Variants in RALYL observed in about 807,000 individuals in gnomAD.
RALYL encodes the protein RNA-binding Raly-like protein.
A neutral mutation model predicts 35.1 loss-of-function variants in RALYL; 29 were observed. The ratio of observed to expected loss-of-function variants is 0.83; its 90% CI spans 0.61 to 1.13. RALYL has a LOEUF of 1.13. RALYL is among the 50% of genes most tolerant of loss of function. The pLI is 0.00. For missense variants in RALYL, 359 were observed against 360.4 expected (o/e 1.00, Z 0.03); for synonymous variants, 120 against 127.6 (o/e 0.94, Z 0.40).
intron 2 of RALYL, among the ~76,000 whole-genome samples, chr8:84,601,976 C>T (rs1287814055): frequency 2.0e-5 from 3 of 152,098 alleles, no homozygotes; most frequent in Non-Finnish European, 2.9e-5. Flanking sequence ...TCACTTCCTA[C>T]ATCTTAACGC....
chr8:84,888,052 C>T (rs922136370), intron 8 of RALYL, among the ~76,000 whole-genome samples: 1 of 152,222 alleles, frequency 6.6e-6, no homozygotes, highest in African/African-American at 2.4e-5. Context: ...CTCCAAAATG[C>T]TCCATTGCAA....
At chr8:84,898,984 A>T (rs921454981) in intron 8 of RALYL, among the ~76,000 whole-genome samples, 1 of 152,070 alleles carries the variant, frequency 6.6e-6, no homozygotes, top group African/African-American at 2.4e-5. Flanking sequence ...TTCTTTGTGG[A>T]TCCCTCACGC....
At chr8:84,483,305 A>C (rs1321852071) in intron 1 of RALYL, among the ~76,000 whole-genome samples, 2 of 152,112 alleles carry the variant, frequency 1.3e-5, no homozygotes, top group Non-Finnish European at 2.9e-5. Context: ...ATTAGATATA[A>C]ACTTTGAAAT....
At chr8:84,818,582 A>T in intron 4 of RALYL, among the ~76,000 whole-genome samples, 1 of 152,156 alleles carries the variant, frequency 6.6e-6, no homozygotes, top group Admixed American at 6.5e-5. Context: ...AAAAGATAAG[A>T]TTGGCAAATT....
intron 2 of RALYL, among the ~76,000 whole-genome samples, chr8:84,761,242 T>C (rs930632302): frequency 4.0e-5 from 6 of 151,844 alleles, no homozygotes; most frequent in African/African-American, 1.5e-4. Flanking sequence ...AATGAAAAAA[T>C]GCAACTTTAA....
upstream of RALYL, chr8:84,183,103 A>G: frequency 6.3e-6 from 1 of 158,130 alleles, no homozygotes; most frequent in South Asian, 1.7e-4. Flanking sequence ...CGGCGGCGGC[A>G]GCAACAGAGG....
At chr8:84,795,202 C>A (rs1307485977) in intron 3 of RALYL, among the ~76,000 whole-genome samples, 1 of 152,232 alleles carries the variant, frequency 6.6e-6, no homozygotes, top group Non-Finnish European at 1.5e-5. Context: ...AGGAGCCTGG[C>A]TGTCTCCTCA....
chr8:84,310,481 G>A (rs1430448003), intron 1 of RALYL, among the ~76,000 whole-genome samples: 2 of 151,716 alleles, frequency 1.3e-5, no homozygotes, highest in African/African-American at 2.4e-5. Flanking sequence ...AATGGAAAAC[G>A]GCAATAAATC....
At chr8:84,567,124 A>C (rs1409063028) in intron 2 of RALYL, among the ~76,000 whole-genome samples, 4 of 151,806 alleles carry the variant, frequency 2.6e-5, no homozygotes, top group Non-Finnish European at 5.9e-5. Flanking sequence ...GTTATCTATA[A>C]ATTCTGATCA....
chr8:84,834,613 G>T (rs767877150), intron 4 of RALYL, among the ~76,000 whole-genome samples: 3 of 152,142 alleles, frequency 2.0e-5, no homozygotes, highest in Non-Finnish European at 4.4e-5. Context: ...CTTTAACACT[G>T]TGTCAGCAGG....
chr8:84,616,784 G>T (rs577194426), intron 2 of RALYL, among the ~76,000 whole-genome samples: 4 of 151,724 alleles, frequency 2.6e-5, no homozygotes, highest in South Asian at 4.1e-4. Context: ...TGTAAGGAAG[G>T]GATCCAGTTT....
chr8:84,353,637 C>A (rs1159074968), intron 1 of RALYL, among the ~76,000 whole-genome samples: 1 of 150,064 alleles, frequency 6.7e-6, no homozygotes, highest in Non-Finnish European at 1.5e-5. Context: ...TTGTTCACAG[C>A]ACGTCAAGAT....
At chr8:84,484,799 G>A (rs776675070) in intron 1 of RALYL, among the ~76,000 whole-genome samples, 1 of 151,886 alleles carries the variant, frequency 6.6e-6, no homozygotes, top group African/African-American at 2.4e-5. Flanking sequence ...TTTATTTTGG[G>A]GCATGATGAG....
intron 1 of RALYL, among the ~76,000 whole-genome samples, chr8:84,268,172 G>A (rs1411026813): frequency 6.6e-6 from 1 of 152,168 alleles, no homozygotes; most frequent in South Asian, 2.1e-4. Flanking sequence ...TCAGAAATAG[G>A]TTACATCTTT....
At chr8:84,538,293 T>G (rs751539167) in intron 2 of RALYL, among the ~76,000 whole-genome samples, 15 of 152,194 alleles carry the variant, frequency 9.9e-5, no homozygotes, top group Non-Finnish European at 2.2e-4. Context: ...CATTGGAAAC[T>G]TCTGAGCAAC....
At chr8:84,239,118 T>C (rs1056370552) in intron 1 of RALYL, among the ~76,000 whole-genome samples, 1 of 152,220 alleles carries the variant, frequency 6.6e-6, no homozygotes, top group Non-Finnish European at 1.5e-5. Context: ...ACCACATTGC[T>C]AGTTTTTCTC....
intron 2 of RALYL, among the ~76,000 whole-genome samples, chr8:84,728,248 GT>G (rs1299508151): frequency 6.6e-6 from 1 of 152,034 alleles, no homozygotes; most frequent in Admixed American, 6.6e-5. Flanking sequence ...TTTTTCGTGT[GT>G]TTTTTGGCTA....
intron 1 of RALYL, among the ~76,000 whole-genome samples, chr8:84,469,848 G>GT (rs1387349303): frequency 5.9e-5 from 9 of 152,124 alleles, no homozygotes; most frequent in African/African-American, 2.2e-4. Flanking sequence ...GTGGTGCGCT[G>GT]TTTTTTAAGC....
At chr8:84,632,816 T>C (rs1824216710) in intron 2 of RALYL, among the ~76,000 whole-genome samples, 1 of 152,006 alleles carries the variant, frequency 6.6e-6, no homozygotes, top group East Asian at 1.9e-4. Flanking sequence ...CAGAGGAATA[T>C]ACAGTGTTTT....
Sources: allele counts gnomAD v4.1 joint callset (sites outside exome capture counted in the v4.1 genomes callset), GRCh38; gene constraint gnomAD v4.1.1; transcripts MANE v1.5; gene names NCBI Gene and HGNC (gene_info 2026-07-23, HGNC 2026-07-21).